TAFA5: variants seen among roughly 807,000 people sequenced by gnomAD.
TAFA5 encodes TAFA chemokine like family member 5, also known as chemokine-like protein TAFA-5.
Under a neutral mutation model 15.3 loss-of-function variants are expected in TAFA5, and 6 were observed. That is an observed-to-expected ratio of 0.39 (90% confidence interval 0.21 to 0.77). The LOEUF (loss-of-function observed/expected upper bound fraction) is 0.77. Ranked by LOEUF, TAFA5 falls within the 30% of genes least tolerant of loss-of-function variation. The pLI is 0.41. For missense variants in TAFA5, 161 were observed against 193.1 expected, an observed-to-expected ratio of 0.83 and a Z score of 0.98; for synonymous variants, 103 against 80.7, an observed-to-expected ratio of 1.28 and a Z score of -1.48.
chr22:48,577,890 C>T (rs1923876782), intron 1 of TAFA5, among the ~76,000 whole-genome samples: 1 of 152,210 alleles, frequency 6.6e-6, no homozygotes, highest in Non-Finnish European at 1.5e-5. Context: ...GCCTTGCTGA[C>T]CCACTTCAGG....
rs778080791 is a variant in TAFA5, at chr22:48,530,352, G to A, written c.112+40648G>A. Among the ~76,000 whole-genome samples, 10 of 152,160 alleles carry A rather than the reference G, an allele frequency of 6.6e-5. No homozygotes were observed. The highest frequency in any genetic ancestry group is 1.2e-4 in the Non-Finnish European group (8 of 68,030). On this transcript the variant is annotated intron_variant, in intron 1 of 3. Transcript: ENST00000402357. This position sits in a 1 kb window ranked among gnomAD's most constrained non-coding sequence, Gnocchi z 6.0. The stretch of plus-strand genomic sequence containing the variant: ...CACAGAGTGAAGGAACCTCTGGAGG[G>A]CACAGGGGCCATCACCTGCTGGAGC...
intron 1 of TAFA5, among the ~76,000 whole-genome samples, chr22:48,502,037 C>G (rs1440367725): frequency 6.6e-6 from 1 of 152,254 alleles, no homozygotes; most frequent in African/African-American, 2.4e-5. Context: ...TGGGTTCTCC[C>G]AATGTCATTG....
intron 1 of TAFA5, among the ~76,000 whole-genome samples, chr22:48,580,137 C>G (rs1302913301): frequency 1.3e-5 from 2 of 152,214 alleles, no homozygotes; most frequent in Admixed American, 1.3e-4. Flanking sequence ...TGAGCAGCTG[C>G]TCGGAGGGCA....
In TAFA5 at chr22:48,629,108, C is replaced by T. The variant is rs373443602; in HGVS notation, c.113-17489C>T. Among the ~76,000 whole-genome samples the T allele has an allele frequency of 8.5e-5, 13 of 152,282 alleles. 1 individual carries two copies. In the East Asian group the frequency reaches 1.4e-3, roughly 16 times the overall value. On this transcript the variant is annotated intron_variant, in intron 1 of 3. Coordinates refer to ENST00000402357, the MANE Select transcript of TAFA5 (RefSeq NM_001082967.3). ...CTCCTGAAGGAAGGGACCCACCAGA[C>T]GGGTGCTCTGGGGCCCCAGCGGCTC...
intron 3 of TAFA5, among the ~76,000 whole-genome samples, chr22:48,720,173 C>A (rs1401426615): frequency 6.6e-6 from 1 of 151,940 alleles, no homozygotes; most frequent in Admixed American, 6.6e-5. Context: ...CTGGGGATTT[C>A]CTGGTGCCCC....
chr22:48,536,462 C>T (rs1198553989), intron 1 of TAFA5, among the ~76,000 whole-genome samples: 1 of 152,220 alleles, frequency 6.6e-6, no homozygotes, highest in African/African-American at 2.4e-5. Flanking sequence ...GGGTAACGAG[C>T]GCGCACCGCC....
chr22:48,704,900 G>C (rs1929032093), intron 2 of TAFA5, among the ~76,000 whole-genome samples: 1 of 152,128 alleles, frequency 6.6e-6, no homozygotes, highest in African/African-American at 2.4e-5. Context: ...TTCCTGGTGA[G>C]GATCTGATTC....
rs78930710 is a variant in TAFA5, at chr22:48,651,651, C to T, written c.262+4905C>T. The stretch of plus-strand genomic sequence containing the variant: ...CAGTGTGGATGGTTGGCAGTAGACG[C>T]GCAGCCTTAGGCGGGTGGACGCTGA... On this transcript the variant is annotated intron_variant, in intron 2 of 3. Transcript: ENST00000402357. Among the ~76,000 whole-genome samples, 160 of 152,210 alleles carry T rather than the reference C, an allele frequency of 1.1e-3. 1 individual carries two copies. In the East Asian group the frequency reaches 0.024, roughly 22 times the overall value.
intron 2 of TAFA5, among the ~76,000 whole-genome samples, chr22:48,699,428 G>A (rs925736798): frequency 1.3e-5 from 2 of 152,194 alleles, no homozygotes; most frequent in African/African-American, 4.8e-5. Flanking sequence ...GTTGCAGCAC[G>A]CGTTTTGCAG....
intron 3 of TAFA5, among the ~76,000 whole-genome samples, chr22:48,723,262 C>A (rs1011326851): frequency 6.6e-6 from 1 of 152,134 alleles, no homozygotes. Context: ...TGAAATACGA[C>A]GTGTGGCATG....
chr22:48,677,014 G>A (rs1423706956), intron 2 of TAFA5, among the ~76,000 whole-genome samples: 6 of 152,192 alleles, frequency 3.9e-5, no homozygotes, highest in South Asian at 2.1e-4. Context: ...CTGCTCTCTC[G>A]TGGAGGACGC....
chr22:48,615,729 G>A (rs1420030193), intron 1 of TAFA5, among the ~76,000 whole-genome samples: 1 of 152,170 alleles, frequency 6.6e-6, no homozygotes, highest in African/African-American at 2.4e-5. Context: ...GGGGCCCTGT[G>A]ACAAGAAAGG....
At chr22:48,726,767 C>T (rs1331089853) in intron 3 of TAFA5, among the ~76,000 whole-genome samples, 1 of 152,210 alleles carries the variant, frequency 6.6e-6, no homozygotes, top group East Asian at 1.9e-4. Flanking sequence ...ATGCAAAAAG[C>T]TTGCAGTTTA....
chr22:48,552,113 A>C lies in TAFA5; in HGVS notation c.112+62409A>C, dbSNP rs1213148100. 6.6e-6 allele frequency among the ~76,000 whole-genome samples: 1 copy of C among 152,162 alleles called. No homozygotes were observed. The highest frequency in any genetic ancestry group is 1.5e-5 in the Non-Finnish European group (1 of 68,010). ...GTGGCTGTGTGGCTGCAGCCTGTGCACTGTGAGCCCTCCTTGTGTGGGCTC... is the reference window on the plus strand; with the variant it reads ...GTGGCTGTGTGGCTGCAGCCTGTGCCCTGTGAGCCCTCCTTGTGTGGGCTC... On this transcript the variant is annotated intron_variant, in intron 1 of 3. Transcript: ENST00000402357. The surrounding 1 kb of genome is among the most constrained non-coding windows in gnomAD (Gnocchi z 4.1).
At chr22:48,694,561 G>T (rs925817559) in intron 2 of TAFA5, among the ~76,000 whole-genome samples, 1 of 151,854 alleles carries the variant, frequency 6.6e-6, no homozygotes, top group Non-Finnish European at 1.5e-5. Context: ...CAGGAAGCCC[G>T]GCTGTGTCCG....
chr22:48,506,304 C>T (rs986555049), intron 1 of TAFA5, among the ~76,000 whole-genome samples: 24 of 152,222 alleles, frequency 1.6e-4, no homozygotes, highest in South Asian at 4.1e-4. Context: ...TTTTCCCAGC[C>T]GGGAACATGG....
chr22:48,707,851 G>C lies in TAFA5; in HGVS notation c.390+7G>C. On this transcript the variant is annotated splice_region_variant and intron_variant, in intron 3 of 3. Transcript: ENST00000402357. Reference sequence around the variant, plus strand: ...GAGGATAAAGACCACCACGGTATGTGGCCCTCGGCTTTCTCGTGGGTGTGC... The same window carrying C: ...GAGGATAAAGACCACCACGGTATGTCGCCCTCGGCTTTCTCGTGGGTGTGC... 6.2e-7 allele frequency: 1 copy of C among 1,610,952 alleles called. No individual in the cohort carries two copies. The highest frequency in any genetic ancestry group is 1.1e-5 in the South Asian group (1 of 90,888).
intron 1 of TAFA5, among the ~76,000 whole-genome samples, chr22:48,630,083 G>T (rs1227659007): frequency 1.3e-5 from 2 of 152,186 alleles, no homozygotes; most frequent in African/African-American, 2.4e-5. Flanking sequence ...TCGGGGCGGG[G>T]GACGAGCAGG....
chr22:48,534,524 C>T (rs1922084298), intron 1 of TAFA5, among the ~76,000 whole-genome samples: 2 of 152,120 alleles, frequency 1.3e-5, no homozygotes, highest in South Asian at 2.1e-4. Flanking sequence ...GTGGACAGGG[C>T]AGGCTGGAGG....
Sources: allele counts gnomAD v4.1 joint callset (sites outside exome capture counted in the v4.1 genomes callset), GRCh38; gene constraint gnomAD v4.1.1; non-coding constraint Gnocchi (gnomAD v3.1); transcripts MANE v1.5; gene names NCBI Gene and HGNC (gene_info 2026-07-23, HGNC 2026-07-21).